Variants in TAFA2 observed in about 807,000 individuals in gnomAD.
TAFA2 encodes the protein TAFA chemokine like family member 2.
A neutral mutation model predicts 18.8 loss-of-function variants in TAFA2; 7 were observed. That is an observed-to-expected ratio of 0.37 (90% confidence interval 0.21 to 0.70). The LOEUF is 0.70. TAFA2 is among the 30% of genes least tolerant of loss of function. TAFA2 has a pLI of 0.53. For synonymous variants in TAFA2, 60 were observed against 54.2 expected (o/e 1.11, Z -0.47); for missense variants, 122 against 158.1 (o/e 0.77, Z 1.23).
chr12:61,821,419 T>C (rs970584243), intron 2 of TAFA2, among the ~76,000 whole-genome samples: 4 of 151,976 alleles, frequency 2.6e-5, no homozygotes, highest in African/African-American at 9.7e-5. Context: ...TTCCAGAACC[T>C]AAGTAGGAGT....
At chr12:62,260,029 G>A (rs1444796182), upstream of TAFA2, 6 of 240,770 alleles carry the variant, frequency 2.5e-5, no homozygotes, top group Non-Finnish European at 5.0e-5. Context: ...AAGCGTGAGT[G>A]AATGCGCAAA....
intron 2 of TAFA2, among the ~76,000 whole-genome samples, chr12:61,759,466 G>A (rs1428155507): frequency 1.3e-5 from 2 of 152,028 alleles, no homozygotes; most frequent in Admixed American, 1.3e-4. Flanking sequence ...AACGAATTAT[G>A]TTGTTGATAG....
At chr12:62,035,856 C>T (rs1257627605) in intron 1 of TAFA2, among the ~76,000 whole-genome samples, 4 of 150,428 alleles carry the variant, frequency 2.7e-5, no homozygotes, top group Non-Finnish European at 5.9e-5. Flanking sequence ...ATTCTCCTGC[C>T]TCAGCCTCCG....
intron 1 of TAFA2, among the ~76,000 whole-genome samples, chr12:61,899,740 T>C (rs1876014860): frequency 6.6e-6 from 1 of 152,164 alleles, no homozygotes; most frequent in South Asian, 2.1e-4. Context: ...TCAAAAATAT[T>C]CAAAAAATTA....
chr12:62,037,774 T>C (rs556348456), intron 1 of TAFA2, among the ~76,000 whole-genome samples: 23 of 152,314 alleles, frequency 1.5e-4, no homozygotes, highest in Non-Finnish European at 2.9e-4. Flanking sequence ...TAATTATTAA[T>C]TGGACAGGGA....
chr12:61,917,024 C>T (rs948768327), intron 1 of TAFA2, among the ~76,000 whole-genome samples: 2 of 152,046 alleles, frequency 1.3e-5, no homozygotes, highest in African/African-American at 4.8e-5. Context: ...AACTCATACA[C>T]GGTAAGGAGA....
intron 1 of TAFA2, among the ~76,000 whole-genome samples, chr12:62,011,556 A>C (rs576245506): frequency 2.0e-5 from 3 of 152,144 alleles, no homozygotes; most frequent in East Asian, 1.9e-4. Flanking sequence ...GCAGCATGCT[A>C]GTTAAGAGTC....
chr12:62,058,743 T>C (rs370174140), intron 1 of TAFA2, among the ~76,000 whole-genome samples: 4 of 152,292 alleles, frequency 2.6e-5, no homozygotes, highest in African/African-American at 7.2e-5. Flanking sequence ...ACAGGATCAC[T>C]TGAGTCCAAG....
intron 1 of TAFA2, among the ~76,000 whole-genome samples, chr12:62,160,178 C>T (rs1006102442): frequency 6.6e-6 from 1 of 152,200 alleles, no homozygotes; most frequent in Non-Finnish European, 1.5e-5. Context: ...CATGCAGCTG[C>T]CCTTTCCTCC....
intron 2 of TAFA2, among the ~76,000 whole-genome samples, chr12:61,822,278 C>G (rs1401561039): frequency 1.3e-5 from 2 of 152,076 alleles, no homozygotes; most frequent in Admixed American, 1.3e-4. Context: ...AACCTGAGCA[C>G]CGCAGGTTCA....
At chr12:62,242,426 C>A (rs2062866956) in intron 1 of TAFA2, 1 of 151,308 alleles carries the variant, frequency 6.6e-6, no homozygotes, top group Admixed American at 6.6e-5. Context: ...GATGCAGACA[C>A]AGAATAGAGA....
chr12:62,064,395 A>T (rs561859388), intron 1 of TAFA2, among the ~76,000 whole-genome samples: 1 of 152,230 alleles, frequency 6.6e-6, no homozygotes, highest in South Asian at 2.1e-4. Flanking sequence ...TGAATAATTA[A>T]AAAAACAAAA....
At chr12:61,931,805 A>T (rs1877566408) in intron 1 of TAFA2, among the ~76,000 whole-genome samples, 1 of 152,204 alleles carries the variant, frequency 6.6e-6, no homozygotes, top group Non-Finnish European at 1.5e-5. Context: ...ATCTTCTGGA[A>T]CACAAAAAGT....
At chr12:61,924,195 C>T (rs559792225) in intron 1 of TAFA2, among the ~76,000 whole-genome samples, 3 of 152,226 alleles carry the variant, frequency 2.0e-5, no homozygotes, top group Non-Finnish European at 2.9e-5. Context: ...ACTTCCCCAA[C>T]CTAGCAAGAC....
At chr12:62,234,055 C>T (rs1390639236) in intron 1 of TAFA2, among the ~76,000 whole-genome samples, 1 of 152,166 alleles carries the variant, frequency 6.6e-6, no homozygotes, top group Non-Finnish European at 1.5e-5. Context: ...GGCAGGGTGC[C>T]TTCATACACC....
chr12:61,727,133 T>C (rs2120631990), intron 4 of TAFA2, among the ~76,000 whole-genome samples: 1 of 152,222 alleles, frequency 6.6e-6, no homozygotes, highest in South Asian at 2.1e-4. Flanking sequence ...AATTAGCTAG[T>C]AATTTATTGA....
chr12:62,170,644 G>A (rs1565768874), intron 1 of TAFA2, among the ~76,000 whole-genome samples: 1 of 151,754 alleles, frequency 6.6e-6, no homozygotes, highest in Admixed American at 6.6e-5. Flanking sequence ...TCAATTTAAG[G>A]GGTACACATG....
chr12:61,774,968 T>G (rs1870193507), intron 2 of TAFA2, among the ~76,000 whole-genome samples: 1 of 151,730 alleles, frequency 6.6e-6, no homozygotes, highest in Admixed American at 6.6e-5. Context: ...CTCTTAAAAC[T>G]CAACAATAAG....
chr12:61,879,365 C>A, intron 1 of TAFA2: 1 of 734,800 alleles, frequency 1.4e-6, no homozygotes, highest in East Asian at 3.1e-5. Flanking sequence ...CCACCTCTGG[C>A]CCCCGGGCCT....
Sources: allele counts gnomAD v4.1 joint callset (sites outside exome capture counted in the v4.1 genomes callset), GRCh38; gene constraint gnomAD v4.1.1; transcripts MANE v1.5; gene names NCBI Gene and HGNC (gene_info 2026-07-23, HGNC 2026-07-21).